Variants in DMXL1 observed in about 807,000 individuals in gnomAD.
The protein encoded by DMXL1 is Dmx like 1.
Under a neutral mutation model 319.2 loss-of-function variants are expected in DMXL1, and 99 were observed. The ratio of observed to expected loss-of-function variants is 0.31; its 90% confidence interval spans 0.26 to 0.37. The LOEUF is 0.37. DMXL1 is among the 10% of genes least tolerant of loss of function. The pLI is 1.00. For synonymous variants in DMXL1, 1,385 were observed against 1,235.2 expected, an observed-to-expected ratio of 1.12 and a Z score of -2.54; for missense variants, 3,745 against 3,595.6, an observed-to-expected ratio of 1.04 and a Z score of -1.06.
intron 35 of DMXL1, 105 bp downstream of exon 35, chr5:119,217,092 G>T (rs1003638751): frequency 3.3e-6 from 2 of 607,314 alleles, no homozygotes; most frequent in African/African-American, 3.9e-5. Flanking sequence ...GCTGCTTCCA[G>T]TTCCTTAAAT....
chr5:119,101,059 G>A (rs1757164109), intron 2 of DMXL1, among the ~76,000 whole-genome samples: 1 of 152,062 alleles, frequency 6.6e-6, no homozygotes, highest in Non-Finnish European at 1.5e-5. Flanking sequence ...GGGATTACAG[G>A]CGTGAGCCAC....
At chr5:119,165,335 GA>G in intron 21 of DMXL1, 55 bp downstream of exon 21, 1 of 877,698 alleles carries the variant, frequency 1.1e-6, no homozygotes, top group Non-Finnish European at 1.8e-6. Flanking sequence ...CTGTTCATAA[GA>G]AGTAAATGAA....
chr5:119,071,801 C>G (rs1208232850), intron 1 of DMXL1, 145 bp downstream of exon 1: 7 of 655,228 alleles, frequency 1.1e-5, no homozygotes, highest in Non-Finnish European at 1.8e-5. Context: ...CAGACCTGGC[C>G]CTTGAGAACT....
chr5:119,213,973 T>G (rs1248175700), intron 34 of DMXL1, among the ~76,000 whole-genome samples: 1 of 152,226 alleles, frequency 6.6e-6, no homozygotes, highest in Non-Finnish European at 1.5e-5. Context: ...ATTGTCCTTT[T>G]TCCCATCCTT....
chr5:119,143,829 TAAAA>T lies in DMXL1; in HGVS notation c.2377-7_2377-4del, dbSNP rs762322698. ...TTGTTTAGTAAATTATAAATTTTTTTAAAAAAAACAGAAATATGTTGGTGAAGTC... is the reference window on the plus strand; with the variant it reads ...TTGTTTAGTAAATTATAAATTTTTTTAAAACAGAAATATGTTGGTGAAGTC... On this transcript the variant is annotated splice_polypyrimidine_tract_variant and splice_region_variant and intron_variant, in intron 13 of 43. Coordinates refer to ENST00000539542, the MANE Select transcript of DMXL1 (RefSeq NM_001290321.3). The T allele has an allele frequency of 6.5e-7, 1 of 1,536,780 alleles. No individual in the cohort carries two copies. Among genetic ancestry groups the T allele is most frequent in the East Asian group, 2.3e-5 (1 of 43,038 alleles).
At chr5:119,123,067 G>A (rs943594670) in intron 9 of DMXL1, among the ~76,000 whole-genome samples, 1 of 152,152 alleles carries the variant, frequency 6.6e-6, no homozygotes, top group Non-Finnish European at 1.5e-5. Context: ...CTGGGAGGCC[G>A]AGGCTGGTGG....
chr5:119,173,797 T>TATATATATATATATATAA lies in DMXL1; in HGVS notation c.6682-1463_6682-1462insTATATATATATATATAAA, dbSNP rs1305561997. On this transcript the variant is annotated intron_variant, in intron 25 of 43. Transcript: ENST00000539542. ...GTGTGTATATATATATATATATATA[T>TATATATATATATATATAA]AATGAGAGAGAGATTTATTATAAGG... 6.3e-4 allele frequency among the ~76,000 whole-genome samples: 82 copies of TATATATATATATATATAA among 130,754 alleles called. 3 individuals carry two copies. Among genetic ancestry groups the TATATATATATATATATAA allele is most frequent in the African/African-American group, 2.2e-3 (78 of 35,348 alleles). The allele number at this position is 130,754 out of a possible 152,430, so 85.8% of individuals were successfully genotyped here.
chr5:119,184,908 G>A (rs374926566), intron 28 of DMXL1, among the ~76,000 whole-genome samples: 4 of 152,070 alleles, frequency 2.6e-5, no homozygotes, highest in East Asian at 1.9e-4. Flanking sequence ...ATACAGAACC[G>A]TGTTGTGGCA....
intron 1 of DMXL1, among the ~76,000 whole-genome samples, chr5:119,075,241 CTTTTTTTTTTT>C (rs201088042): frequency 8.2e-6 from 1 of 122,676 alleles, no homozygotes; most frequent in Non-Finnish European, 1.7e-5. Context: ...CTTTTTTTTT[CTTTTTTTTTTT>C]TTTTGGAGAC....
chr5:119,248,354 A>G lies in DMXL1; in HGVS notation c.*1135A>G, dbSNP rs974268403. 6.6e-6 allele frequency: 1 copy of G among 152,518 alleles called. No homozygotes were observed. The highest frequency in any genetic ancestry group is 2.4e-5 in the African/African-American group (1 of 41,450). 9.4% of individuals were successfully genotyped at this position (152,518 alleles called of 1,614,324 possible). On this transcript the variant is annotated 3_prime_UTR_variant, in exon 44 of 44. Coordinates refer to ENST00000539542, the MANE Select transcript of DMXL1 (RefSeq NM_001290321.3). ...TTGCCAAAATATTTTATTATAAAAT[A>G]TGACCAAAATATTTAAAATGCACAA... is the stretch of plus-strand genomic sequence containing the variant.
At chr5:119,159,751 G>A (rs1771869829) in intron 19 of DMXL1, among the ~76,000 whole-genome samples, 1 of 152,178 alleles carries the variant, frequency 6.6e-6, no homozygotes, top group Admixed American at 6.5e-5. Context: ...AATCTCTCAA[G>A]TAGCTGGGAT....
chr5:119,093,173 A>G (rs1421563052), intron 1 of DMXL1, among the ~76,000 whole-genome samples: 1 of 152,096 alleles, frequency 6.6e-6, no homozygotes, highest in Non-Finnish European at 1.5e-5. Context: ...AATTCTCAAA[A>G]TATTTCAAAC....
At chr5:119,128,132 G>C in intron 9 of DMXL1, 1 of 498,400 alleles carries the variant, frequency 2.0e-6, no homozygotes, top group Non-Finnish European at 4.0e-6. Context: ...CTTGTGAGCA[G>C]CAACTGAACA....
intron 9 of DMXL1, among the ~76,000 whole-genome samples, chr5:119,122,650 T>C (rs1332666153): frequency 1.6e-5 from 2 of 125,584 alleles, no homozygotes; most frequent in African/African-American, 6.2e-5. Flanking sequence ...AGAGACGCCC[T>C]TCCCCTCCCA....
chr5:119,213,348 T>C (rs1187794172), intron 34 of DMXL1, among the ~76,000 whole-genome samples: 1 of 152,188 alleles, frequency 6.6e-6, no homozygotes, highest in African/African-American at 2.4e-5. Context: ...TTACCCTTTT[T>C]GTTCAAGGCC....
intron 28 of DMXL1, among the ~76,000 whole-genome samples, chr5:119,184,011 C>G (rs1407969604): frequency 6.6e-6 from 1 of 151,362 alleles, no homozygotes; most frequent in Non-Finnish European, 1.5e-5. Flanking sequence ...ATAAGAAATG[C>G]AACATTCATT....
rs1320931026 is a variant in DMXL1 at position 119,233,468 on chromosome 5, G to T, written c.8466+1G>T. ...GAGATTTAACTATCAGGGAAATAAGGTATTATATAAAAATGTAAATGGTAA... is the reference window on the plus strand; with the variant it reads ...GAGATTTAACTATCAGGGAAATAAGTTATTATATAAAAATGTAAATGGTAA... On this transcript the variant is annotated splice_donor_variant, in intron 39 of 43. Transcript: ENST00000539542. LOFTEE classifies it high-confidence loss of function. The T allele has an allele frequency of 6.2e-7, 1 of 1,607,812 alleles. No individual in the cohort carries two copies. Among genetic ancestry groups the T allele is most frequent in the Admixed American group, 1.7e-5 (1 of 59,686 alleles).
rs1773519215 is a variant in DMXL1, at chr5:119,166,751, T to C, written c.5106T>C (p.Leu1702=). 1 of 1,612,240 alleles carries C rather than the reference T, an allele frequency of 6.2e-7. No homozygotes were observed. Among genetic ancestry groups the C allele is most frequent in the East Asian group, 2.2e-5 (1 of 44,698 alleles). The part of the protein sequence containing the change: ...QRFEHSAAFF[L]LAGCLRDAIE... ...TTGAACATTCTGCAGCATTTTTTCT[T>C]TTAGCTGGTTGCCTCAGAGATGCAA... Residue 1702 remains leucine (L), a synonymous_variant, in exon 22 of 44, where the codon CTT becomes CTC. Coordinates refer to ENST00000539542, the MANE Select transcript of DMXL1 (RefSeq NM_001290321.3).
intron 34 of DMXL1, among the ~76,000 whole-genome samples, chr5:119,216,697 G>A (rs908270890): frequency 5.9e-5 from 9 of 151,904 alleles, no homozygotes; most frequent in Admixed American, 4.6e-4. Flanking sequence ...TTTTTTATGT[G>A]TAAAAAAGCA....
Sources: allele counts gnomAD v4.1 joint callset (sites outside exome capture counted in the v4.1 genomes callset), GRCh38; gene constraint gnomAD v4.1.1; transcripts MANE v1.5; gene names NCBI Gene and HGNC (gene_info 2026-07-23, HGNC 2026-07-21).